Variants in ZNRF1 observed in about 807,000 individuals in gnomAD.
ZNRF1 encodes the protein E3 ubiquitin-protein ligase ZNRF1.
ZNRF1 carries 3 observed loss-of-function variants against 18.4 expected under a neutral mutation model. The ratio of observed to expected loss-of-function variants is 0.16; its 90% confidence interval spans 0.07 to 0.42. The LOEUF (loss-of-function observed/expected upper bound fraction) is 0.42. ZNRF1 is among the 10% of genes least tolerant of loss of function. The pLI, the probability that ZNRF1 is intolerant of heterozygous loss-of-function variation, is 0.99. For synonymous variants in ZNRF1, 157 were observed against 144.2 expected, an observed-to-expected ratio of 1.09 and a Z score of -0.64; for missense variants, 310 against 329.8, an observed-to-expected ratio of 0.94 and a Z score of 0.47.
At chr16:75,090,144 G>GA (rs1244965301) in intron 1 of ZNRF1, among the ~76,000 whole-genome samples, 2 of 152,118 alleles carry the variant, frequency 1.3e-5, no homozygotes, top group African/African-American at 4.8e-5. Flanking sequence ...CTTTGGGGTT[G>GA]AAAAAAACCC....
chr16:75,105,325 C>A, intron 3 of ZNRF1: 1 of 159,074 alleles, frequency 6.3e-6, no homozygotes, highest in Non-Finnish European at 1.4e-5. Flanking sequence ...TGGCCTTCTC[C>A]CTAGAGGGCC....
chr16:75,046,977 G>A (rs2035524293), intron 1 of ZNRF1: 1 of 152,138 alleles, frequency 6.6e-6, no homozygotes, highest in South Asian at 2.1e-4. Flanking sequence ...TATTTCTGTG[G>A]ATTTCTCTGT....
chr16:75,026,398 C>T (rs921315979), intron 1 of ZNRF1, among the ~76,000 whole-genome samples: 1 of 152,038 alleles, frequency 6.6e-6, no homozygotes, highest in Admixed American at 6.6e-5. Context: ...ATGTTTATAG[C>T]GTTCCCCTGA....
chr16:75,034,518 T>C (rs1454921444), intron 1 of ZNRF1, among the ~76,000 whole-genome samples: 1 of 152,242 alleles, frequency 6.6e-6, no homozygotes, highest in Non-Finnish European at 1.5e-5. Flanking sequence ...CATTCATGCA[T>C]TGCATTTATG....
intron 1 of ZNRF1, among the ~76,000 whole-genome samples, chr16:75,010,470 T>C (rs2034980428): frequency 3.3e-5 from 5 of 152,240 alleles, no homozygotes; most frequent in Admixed American, 3.3e-4. Flanking sequence ...TGCCAAGAGA[T>C]TTTATGAGTA....
At position 74,999,928 on chromosome 16, in the gene ZNRF1, C is replaced by T. The variant is rs1264267221; in HGVS notation, c.257C>T (p.Pro86Leu). Reference protein sequence around the residue: ...SRGTGDSERAPGGGGSASDST... With the variant: ...SRGTGDSERALGGGGSASDST... ...GGCACCGGCGACTCCGAGAGGGCGC[C>T]CGGCGGCGGAGGGTCTGCGTCCGAC... is the stretch of plus-strand genomic sequence containing the variant. Residue 86 changes from proline (P) to leucine (L), a missense_variant, in exon 1 of 5, where the codon CCC (proline) becomes CTC (leucine). Physicochemically the swap from Pro to Leu is moderately conservative, Grantham distance 98 (BLOSUM62 -3). Coordinates refer to ENST00000335325, the MANE Select transcript of ZNRF1 (RefSeq NM_032268.5). 5 of 1,561,284 alleles carry T rather than the reference C, an allele frequency of 3.2e-6. No individual in the cohort carries two copies. The South Asian group carries it at 5.9e-5, about 18-fold the overall frequency.
chr16:75,035,815 C>A lies in ZNRF1; in HGVS notation c.424+35720C>A, dbSNP rs187545986. On this transcript the variant is annotated intron_variant, in intron 1 of 4. Transcript: ENST00000335325. ...TGCTTCCTGAAATTGTGCACATGCCCACTTGAGGCATTCCTTTACCAGCTA... is the reference window on the plus strand; with the variant it reads ...TGCTTCCTGAAATTGTGCACATGCCAACTTGAGGCATTCCTTTACCAGCTA... Among the ~76,000 whole-genome samples, 23 of 152,292 alleles carry A rather than the reference C, an allele frequency of 1.5e-4. No homozygotes were observed. In the East Asian group the frequency reaches 4.2e-3, roughly 28 times the overall value.
At chr16:75,065,218 G>C (rs1468117646) in intron 1 of ZNRF1, among the ~76,000 whole-genome samples, 1 of 152,236 alleles carries the variant, frequency 6.6e-6, no homozygotes, top group African/African-American at 2.4e-5. Flanking sequence ...GGGGGAGGCT[G>C]TTCACTTCTT....
intron 1 of ZNRF1, among the ~76,000 whole-genome samples, chr16:75,027,018 C>T (rs62061447): frequency 6.6e-6 from 1 of 152,188 alleles, no homozygotes; most frequent in East Asian, 1.9e-4. Flanking sequence ...ATCCTCACCC[C>T]TTGAGGTGAT....
At chr16:75,080,706 T>G (rs2035999514) in intron 1 of ZNRF1, among the ~76,000 whole-genome samples, 1 of 152,046 alleles carries the variant, frequency 6.6e-6, no homozygotes. Flanking sequence ...AATTTCTAAT[T>G]ACATCAATAA....
chr16:75,043,270 T>G (rs1212969945), intron 1 of ZNRF1, among the ~76,000 whole-genome samples: 1 of 152,248 alleles, frequency 6.6e-6, no homozygotes, highest in Non-Finnish European at 1.5e-5. Flanking sequence ...TTTTCACCTG[T>G]TCTTGCCTAA....
intron 1 of ZNRF1, among the ~76,000 whole-genome samples, chr16:75,049,350 C>T (rs9931820): frequency 2.0e-5 from 3 of 151,888 alleles, no homozygotes; most frequent in Non-Finnish European, 4.4e-5. Flanking sequence ...ATTTTTTAGA[C>T]CAGGTCTCGC....
intron 1 of ZNRF1, among the ~76,000 whole-genome samples, chr16:75,080,764 C>A (rs1459501928): frequency 6.6e-6 from 1 of 152,140 alleles, no homozygotes; most frequent in Non-Finnish European, 1.5e-5. Flanking sequence ...GTCCCAGCTA[C>A]TTGAGGGGCT....
rs370293056 is a variant in ZNRF1 at position 75,107,645 on chromosome 16, G to A, written c.*33-88G>A. On this transcript the variant is annotated intron_variant, in intron 4 of 4. Coordinates refer to ENST00000335325, the MANE Select transcript of ZNRF1 (RefSeq NM_032268.5). ...GGTCCTGTGTAGACGCCCCAGCCCC[G>A]CCTGCCCTCTTGGGATGCAGCTGCC... 6.6e-4 allele frequency: 299 copies of A among 453,184 alleles called. 6 individuals carry two copies. Among genetic ancestry groups the A allele is most frequent in the South Asian group, 4.1e-3 (264 of 64,350 alleles). The allele number at this position is 453,184 out of a possible 1,614,324, so 28.1% of individuals were successfully genotyped here.
intron 2 of ZNRF1, among the ~76,000 whole-genome samples, chr16:75,101,219 C>T (rs2036251153): frequency 6.6e-6 from 1 of 152,252 alleles, no homozygotes; most frequent in African/African-American, 2.4e-5. Context: ...CAGGCATGAG[C>T]CACTGCACCC....
At chr16:75,098,260 C>G (rs2036221635) in intron 2 of ZNRF1, among the ~76,000 whole-genome samples, 1 of 152,182 alleles carries the variant, frequency 6.6e-6, no homozygotes, top group Non-Finnish European at 1.5e-5. Context: ...CTGCAAGGCC[C>G]TAACACAAGT....
intron 1 of ZNRF1, among the ~76,000 whole-genome samples, chr16:75,066,740 G>A (rs1305246365): frequency 1.3e-5 from 2 of 152,066 alleles, no homozygotes; most frequent in Non-Finnish European, 2.9e-5. Flanking sequence ...CCAACCTCAG[G>A]TGATCCGCCC....
chr16:75,087,478 C>T (rs912285349), intron 1 of ZNRF1, among the ~76,000 whole-genome samples: 1 of 152,232 alleles, frequency 6.6e-6, no homozygotes, highest in Non-Finnish European at 1.5e-5. Flanking sequence ...ACTCTCTGCT[C>T]AGCTCTTCTG....
At chr16:75,103,782 C>A (rs1026748788) in intron 2 of ZNRF1, among the ~76,000 whole-genome samples, 1 of 151,970 alleles carries the variant, frequency 6.6e-6, no homozygotes, top group African/African-American at 2.4e-5. Context: ...GTCAGGAGTT[C>A]GAGACCAGCC....
Sources: allele counts gnomAD v4.1 joint callset (sites outside exome capture counted in the v4.1 genomes callset), GRCh38; gene constraint gnomAD v4.1.1; transcripts MANE v1.5; gene names NCBI Gene and HGNC (gene_info 2026-07-23, HGNC 2026-07-21).